The following SLC6A4 variants were observed in gnomAD, a reference collection of about 807,000 sequenced individuals.
SLC6A4 encodes the protein solute carrier family 6 member 4.
SLC6A4 carries 22 observed loss-of-function variants against 73.4 expected under a neutral mutation model. That is an observed-to-expected ratio of 0.30 (90% CI 0.21 to 0.43). The LOEUF (loss-of-function observed/expected upper bound fraction) is 0.43, where lower values mean the gene tolerates loss of function less well. Among genes scored for constraint, SLC6A4 ranks in the 20% least tolerant of loss-of-function variants. The pLI is 1.00. For synonymous variants in SLC6A4, 270 were observed against 315.5 expected (o/e 0.86, Z 1.53); for missense variants, 593 against 808.5 (o/e 0.73, Z 3.23).
In SLC6A4 at chr17:30,203,227, C is replaced by A; in HGVS notation, c.1763G>T (p.Cys588Phe). 1 of 1,613,762 alleles carries A rather than the reference C, an allele frequency of 6.2e-7. No homozygotes were observed. The highest frequency in any genetic ancestry group is 8.5e-7 in the Non-Finnish European group (1 of 1,179,758). Reference sequence around the variant, plus strand: ...CCGATAAGCTATATATGTGGGGATGCAAATGAAAGATGAGGTTCCTATGCA... The same window carrying A: ...CCGATAAGCTATATATGTGGGGATGAAAATGAAAGATGAGGTTCCTATGCA... Reference protein sequence around the residue: ...GYCIGTSSFICIPTYIAYRLI... With the variant: ...GYCIGTSSFIFIPTYIAYRLI... Residue 588 changes from cysteine to phenylalanine, a missense_variant, in exon 14 of 15, where the codon TGC becomes TTC. Transcript: ENST00000650711.
Position 30,196,137 on chromosome 17 carries a change from A to AT in SLC6A4, c.*2318dup, listed in dbSNP as rs1182346568. ...CCAGCCTCTTGGGTATTTCTTACTG[A>AT]TACAAGAAAAAAAACTTCAGTCCTT... On this transcript the variant is annotated 3_prime_UTR_variant, in exon 15 of 15. Transcript: ENST00000650711. 3 of 152,098 alleles carry AT rather than the reference A, an allele frequency of 2.0e-5. No individual in the cohort carries two copies. The East Asian group carries it at 5.8e-4, about 29-fold the overall frequency. 9.4% of individuals were successfully genotyped at this position (152,098 alleles called of 1,614,324 possible). A position where few individuals can be genotyped will look rare whatever the true frequency, so the allele number is the denominator to read the frequency against.
chr17:30,226,700 CA>C (rs1906934725), intron 1 of SLC6A4, among the ~76,000 whole-genome samples: 1 of 151,576 alleles, frequency 6.6e-6, no homozygotes, highest in South Asian at 2.1e-4. Context: ...AACTCTGTCT[CA>C]AATAAATAAA....
chr17:30,207,631 A>T (rs1250702987), intron 13 of SLC6A4, 101 bp downstream of exon 13: 4 of 763,972 alleles, frequency 5.2e-6, no homozygotes, highest in African/African-American at 1.7e-5. Context: ...TGTTGGGATT[A>T]CAAGGATGAG....
intron 8 of SLC6A4, among the ~76,000 whole-genome samples, chr17:30,213,308 T>TC (rs1567818400): frequency 6.7e-6 from 1 of 148,532 alleles, no homozygotes; most frequent in Non-Finnish European, 1.5e-5. Flanking sequence ...TTTTCTTTTT[T>TC]TTTTTTTTTT....
chr17:30,211,417 G>T lies in SLC6A4; in HGVS notation c.1212C>A (p.Ser404Arg). 1.2e-6 allele frequency: 2 copies of T among 1,604,640 alleles called. No homozygotes were observed. Among genetic ancestry groups the T allele is most frequent in the Non-Finnish European group, 1.7e-6 (2 of 1,171,356 alleles). ...VSEVAKDAGP[S>R]LLFITYAEAI... ...CTTCTGCATACGTGATGAAGAGGAG[G>T]CTGGGACCTGAGACAGAGGGGAGAG... The change falls in exon 10 of 15, where the codon AGC (serine) becomes AGA (arginine). Residue 404 changes from serine (S) to arginine (R), a missense_variant. Physicochemically the swap from Ser to Arg is moderately radical, Grantham distance 110. Coordinates refer to ENST00000650711, the MANE Select transcript of SLC6A4 (RefSeq NM_001045.6). The surrounding 1 kb of genome is among the most constrained non-coding windows in gnomAD (Gnocchi z 4.0).
chr17:30,208,064 C>T (rs1166032603), intron 12 of SLC6A4, among the ~76,000 whole-genome samples: 1 of 152,120 alleles, frequency 6.6e-6, no homozygotes, highest in African/African-American at 2.4e-5. Context: ...GGACTTGTCA[C>T]AAAACTGCAT....
At chr17:30,223,022 C>T (rs1906819378) in intron 1 of SLC6A4, 107 bp from the exon 2 acceptor site, 1 of 395,094 alleles carries the variant, frequency 2.5e-6, no homozygotes, top group Non-Finnish European at 5.1e-6. Flanking sequence ...CTTCATTTCA[C>T]CGCCGTGGCC....
intron 5 of SLC6A4, 107 bp downstream of exon 5, chr17:30,218,011 T>C: frequency 1.2e-6 from 1 of 811,658 alleles, no homozygotes; most frequent in Non-Finnish European, 2.0e-6. Flanking sequence ...GCTTCATCTC[T>C]CAGAAAGGGG....
chr17:30,233,135 T>C (rs923270238), intron 1 of SLC6A4, among the ~76,000 whole-genome samples: 2 of 152,184 alleles, frequency 1.3e-5, no homozygotes, highest in Non-Finnish European at 2.9e-5. Context: ...TCTGCCTCAC[T>C]TGTCCCAAGT....
At chr17:30,230,107 G>A (rs968913429) in intron 1 of SLC6A4, among the ~76,000 whole-genome samples, 1,177 of 105,688 alleles carry the variant, frequency 0.011, 13 homozygotes, top group African/African-American at 0.03. Context: ...AGGAGGAAGA[G>A]GAAGAGGAAG....
chr17:30,213,493 G>C (rs968517099), intron 8 of SLC6A4, among the ~76,000 whole-genome samples: 3 of 151,794 alleles, frequency 2.0e-5, no homozygotes, highest in African/African-American at 7.3e-5. Context: ...AGTAGAGATG[G>C]GGTTTCCCCA....
intron 11 of SLC6A4, 34 bp downstream of exon 11, chr17:30,210,481 A>G (rs778487443): frequency 6.2e-7 from 1 of 1,603,302 alleles, no homozygotes; most frequent in Non-Finnish European, 8.5e-7. Flanking sequence ...GCCCTAGGGG[A>G]GGCCAACTCA....
At chr17:30,200,313 A>G (rs1012334771) in intron 14 of SLC6A4, among the ~76,000 whole-genome samples, 2 of 152,234 alleles carry the variant, frequency 1.3e-5, no homozygotes, top group Non-Finnish European at 2.9e-5. Context: ...GAAATTTGCC[A>G]GGCCCTGCCT....
At position 30,211,290 on chromosome 17, in the gene SLC6A4, T is replaced by C; in HGVS notation, c.1317+22A>G. ...TTCCTCTTCATCCTCCCACAGCCCA[T>C]TTCCCCTTCCCATTTCCTCACCGTG... On this transcript the variant is annotated intron_variant, in intron 10 of 14. Transcript: ENST00000650711. The surrounding 1 kb of genome is among the most constrained non-coding windows in gnomAD (Gnocchi z 4.0). 1 of 1,456,626 alleles carries C rather than the reference T, an allele frequency of 6.9e-7. No homozygotes were observed. Among genetic ancestry groups the C allele is most frequent in the Non-Finnish European group, 9.6e-7 (1 of 1,038,338 alleles). The allele number at this position is 1,456,626 out of a possible 1,614,324, so 90.2% of individuals were successfully genotyped here.
chr17:30,208,967 G>A (rs1208132973), intron 12 of SLC6A4, among the ~76,000 whole-genome samples, 176 bp downstream of exon 12: 1 of 151,738 alleles, frequency 6.6e-6, no homozygotes, highest in Non-Finnish European at 1.5e-5. Flanking sequence ...CTCCCAAAAT[G>A]CTGGGATTAC....
intron 13 of SLC6A4, among the ~76,000 whole-genome samples, chr17:30,204,773 GC>G (rs1906138456): frequency 6.6e-6 from 1 of 152,160 alleles, no homozygotes; most frequent in South Asian, 2.1e-4. Context: ...AGACAGATTT[GC>G]CTCTCTCAGG....
At chr17:30,223,254 A>G (rs967516469) in intron 1 of SLC6A4, among the ~76,000 whole-genome samples, 5 of 152,188 alleles carry the variant, frequency 3.3e-5, no homozygotes, top group African/African-American at 1.2e-4. Flanking sequence ...AGCTGAGATG[A>G]CACTGGACCC....
At chr17:30,222,155 C>G (rs1906786985) in intron 2 of SLC6A4, 74 bp from the exon 3 acceptor site, 1 of 904,326 alleles carries the variant, frequency 1.1e-6, no homozygotes, top group African/African-American at 1.7e-5. Context: ...ACTCATCATA[C>G]ATCTTAAACT....
intron 3 of SLC6A4, among the ~76,000 whole-genome samples, chr17:30,219,896 C>T (rs2020942): frequency 0.34 from 51,104 of 152,016 alleles, 9,215 homozygotes; most frequent in Non-Finnish European, 0.39. Context: ...TGGGTAAACC[C>T]GGCTCGAGAA....
Sources: gnomAD v4.1 joint callset for allele counts (sites outside exome capture counted in the v4.1 genomes callset) on GRCh38, gnomAD v4.1.1 for gene constraint, Gnocchi (gnomAD v3.1) non-coding constraint, MANE v1.5 for transcripts, NCBI Gene and HGNC (gene_info 2026-07-23, HGNC 2026-07-21) for gene names.